CHCHD6: variants seen among roughly 807,000 people sequenced by gnomAD.
CHCHD6 encodes the protein MICOS complex subunit MIC25.
Under a neutral mutation model 32.3 loss-of-function variants are expected in CHCHD6, and 28 were observed. The observed-to-expected ratio is 0.87, with a 90% CI of 0.64 to 1.19. The LOEUF (loss-of-function observed/expected upper bound fraction) is 1.19. CHCHD6 is among the 50% of genes most tolerant of loss of function. The pLI, the probability that CHCHD6 is intolerant of heterozygous loss-of-function variation, is 0.00. For synonymous variants in CHCHD6, 122 were observed against 117.5 expected (o/e 1.04, Z -0.25); for missense variants, 333 against 307.0 (o/e 1.08, Z -0.63).
intron 1 of CHCHD6, among the ~76,000 whole-genome samples, chr3:126,707,961 T>C (rs752870291): frequency 7.9e-5 from 12 of 152,204 alleles, no homozygotes; most frequent in Non-Finnish European, 1.6e-4. Context: ...CCTGTCATCA[T>C]AGAGACCTCA....
chr3:126,724,084 G>T (rs1217089152), intron 1 of CHCHD6, among the ~76,000 whole-genome samples: 2 of 152,216 alleles, frequency 1.3e-5, no homozygotes, highest in African/African-American at 4.8e-5. Context: ...GGTGAAATTA[G>T]TCAAGCAGTA....
At chr3:126,933,955 A>C (rs139922858) in intron 6 of CHCHD6, among the ~76,000 whole-genome samples, 1 of 152,080 alleles carries the variant, frequency 6.6e-6, no homozygotes, top group East Asian at 1.9e-4. Context: ...ATGCACTCTC[A>C]CACTCGCTCT....
chr3:126,875,346 G>A (rs72980857), intron 5 of CHCHD6, among the ~76,000 whole-genome samples: 4,656 of 152,352 alleles, frequency 0.031, 159 homozygotes, highest in East Asian at 0.16. Context: ...AGGGCTGCCT[G>A]CCTTCTGAAG....
At chr3:126,759,495 T>A (rs190421087) in intron 4 of CHCHD6, among the ~76,000 whole-genome samples, 53 of 152,350 alleles carry the variant, frequency 3.5e-4, no homozygotes, top group Admixed American at 2.5e-3. Flanking sequence ...GTGTCTCTTG[T>A]GTGCTTTAAT....
At chr3:126,935,058 C>G in intron 6 of CHCHD6, 1 of 861,560 alleles carries the variant, frequency 1.2e-6, no homozygotes, top group Non-Finnish European at 1.4e-6. Context: ...AGTTGGGAAT[C>G]GTTTTGGAAA....
rs58750065 is a variant in CHCHD6, at chr3:126,956,600, C to CGAGAGA, written c.567-793_567-788dup. Among the ~76,000 whole-genome samples, 231 of 149,762 alleles carry CGAGAGA rather than the reference C, an allele frequency of 1.5e-3. 1 individual carries two copies. The highest frequency in any genetic ancestry group is 5.2e-3 in the African/African-American group (212 of 40,454). ...GCTGTTGTGTGTGTCAGTGTGCGCA[C>CGAGAGA]GAGAGAGAGAGAGAGAGAGAGAGAG... is the stretch of plus-strand genomic sequence containing the variant. On this transcript the variant is annotated intron_variant, in intron 6 of 7. Coordinates refer to ENST00000290913, the MANE Select transcript of CHCHD6 (RefSeq NM_032343.3).
chr3:126,920,991 A>G (rs1167991215), intron 6 of CHCHD6, among the ~76,000 whole-genome samples: 3 of 152,020 alleles, frequency 2.0e-5, no homozygotes, highest in African/African-American at 7.3e-5. Flanking sequence ...GGGGAAGAGC[A>G]TAGGCCTTTC....
chr3:126,842,334 A>ATC (rs1245715101), intron 4 of CHCHD6, among the ~76,000 whole-genome samples: 1 of 152,224 alleles, frequency 6.6e-6, no homozygotes, highest in Non-Finnish European at 1.5e-5. Flanking sequence ...AGAAGCTAGG[A>ATC]TCTGCCTTTT....
At chr3:126,823,796 C>A (rs1424919295) in intron 4 of CHCHD6, among the ~76,000 whole-genome samples, 1 of 152,164 alleles carries the variant, frequency 6.6e-6, no homozygotes, top group Non-Finnish European at 1.5e-5. Flanking sequence ...CCTATAATCC[C>A]AGCACTTTCA....
At chr3:126,803,755 T>C (rs1320674326) in intron 4 of CHCHD6, among the ~76,000 whole-genome samples, 1 of 152,186 alleles carries the variant, frequency 6.6e-6, no homozygotes, top group Non-Finnish European at 1.5e-5. Flanking sequence ...ATCAACGGAA[T>C]ATACATTTTT....
intron 4 of CHCHD6, among the ~76,000 whole-genome samples, chr3:126,836,691 C>T (rs1258015172): frequency 6.6e-6 from 1 of 152,134 alleles, no homozygotes; most frequent in East Asian, 1.9e-4. Context: ...AGAGATTGTG[C>T]GGAGATGCTG....
chr3:126,872,724 C>A (rs2077492055), intron 5 of CHCHD6, among the ~76,000 whole-genome samples: 1 of 152,190 alleles, frequency 6.6e-6, no homozygotes, highest in East Asian at 1.9e-4. Context: ...CACCTTGCTT[C>A]CCTGGAGAGC....
intron 4 of CHCHD6, among the ~76,000 whole-genome samples, chr3:126,834,053 CAAAAAAAAAA>C (rs55790919): frequency 2.0e-4 from 9 of 44,434 alleles, no homozygotes; most frequent in East Asian, 7.8e-4. Context: ...GACTCCGTCT[CAAAAAAAAAA>C]AAAAAAAAAA....
chr3:126,736,060 A>AG (rs1216627327), intron 4 of CHCHD6, among the ~76,000 whole-genome samples: 2 of 152,328 alleles, frequency 1.3e-5, no homozygotes, highest in South Asian at 2.1e-4. Flanking sequence ...CTTCTAAAGA[A>AG]GGGGGGCTCC....
chr3:126,909,058 C>G (rs1050104561), intron 5 of CHCHD6, among the ~76,000 whole-genome samples: 2 of 152,216 alleles, frequency 1.3e-5, no homozygotes, highest in African/African-American at 2.4e-5. Context: ...GACATAAATC[C>G]TCAAGTGCCG....
At chr3:126,955,534 C>T (rs1300336155) in intron 6 of CHCHD6, among the ~76,000 whole-genome samples, 3 of 152,216 alleles carry the variant, frequency 2.0e-5, no homozygotes, top group African/African-American at 7.2e-5. Flanking sequence ...CCTCCCCTGG[C>T]AGGAAGGGGA....
At chr3:126,942,129 G>T (rs531340385) in intron 6 of CHCHD6, among the ~76,000 whole-genome samples, 2 of 152,232 alleles carry the variant, frequency 1.3e-5, no homozygotes, top group Admixed American at 6.5e-5. Context: ...TGCATTCTTG[G>T]CAGGAAGACC....
intron 4 of CHCHD6, among the ~76,000 whole-genome samples, chr3:126,735,540 G>C (rs1283805579): frequency 1.3e-5 from 2 of 152,170 alleles, no homozygotes; most frequent in Non-Finnish European, 2.9e-5. Flanking sequence ...GCTGTGTGTA[G>C]ACTTGGTGGG....
chr3:126,808,917 C>T (rs770504928), intron 4 of CHCHD6, among the ~76,000 whole-genome samples: 8 of 152,162 alleles, frequency 5.3e-5, no homozygotes, highest in South Asian at 2.1e-4. Flanking sequence ...TGTTATTGTC[C>T]GCAAGCAAAA....
Sources: gnomAD v4.1 joint callset for allele counts (sites outside exome capture counted in the v4.1 genomes callset) on GRCh38, gnomAD v4.1.1 for gene constraint, MANE v1.5 for transcripts, NCBI Gene and HGNC (gene_info 2026-07-23, HGNC 2026-07-21) for gene names.